The following JAKMIP2 variants were observed in gnomAD, a reference collection of about 807,000 sequenced individuals.
JAKMIP2 encodes janus kinase and microtubule interacting protein 2, also known as janus kinase and microtubule-interacting protein 2.
In JAKMIP2, 25 loss-of-function variants were observed where a neutral mutation model predicts 115.0. The ratio of observed to expected loss-of-function variants is 0.22; its 90% CI spans 0.16 to 0.30. The LOEUF is 0.30. JAKMIP2 is among the 10% of genes least tolerant of loss of function. The pLI, the probability that JAKMIP2 is intolerant of heterozygous loss-of-function variation, is 1.00. For missense variants in JAKMIP2, 642 were observed against 957.6 expected (o/e 0.67, Z 4.35); for synonymous variants, 334 against 343.6 (o/e 0.97, Z 0.31).
chr5:147,730,170 TGGGTGAAGCCTGA>T (rs1561564046), intron 1 of JAKMIP2, among the ~76,000 whole-genome samples: 1 of 152,142 alleles, frequency 6.6e-6, no homozygotes, highest in Admixed American at 6.5e-5. Flanking sequence ...TGTTTAACCG[TGGGTGAAGCCTGA>T]GTCATTTCAG....
chr5:147,694,762 T>C (rs1261560913), intron 1 of JAKMIP2, among the ~76,000 whole-genome samples: 1 of 152,210 alleles, frequency 6.6e-6, no homozygotes, highest in East Asian at 1.9e-4. Context: ...GAATTCATCT[T>C]TGAAAAATTT....
chr5:147,616,357 A>G (rs1367022420), intron 19 of JAKMIP2, among the ~76,000 whole-genome samples: 1 of 152,252 alleles, frequency 6.6e-6, no homozygotes, highest in African/African-American at 2.4e-5. Flanking sequence ...GAAAATGTCA[A>G]TGAAACTCCC....
At chr5:147,598,549 G>A (rs1438146319) in intron 21 of JAKMIP2, among the ~76,000 whole-genome samples, 1 of 151,946 alleles carries the variant, frequency 6.6e-6, no homozygotes, top group Non-Finnish European at 1.5e-5. Flanking sequence ...CCATTCGTTT[G>A]GAAAACCAGA....
At chr5:147,617,871 T>C (rs1756664824) in intron 19 of JAKMIP2, 40 bp downstream of exon 19, 1 of 1,547,514 alleles carries the variant, frequency 6.5e-7, no homozygotes, top group Admixed American at 1.7e-5. Flanking sequence ...TTCCATTTGC[T>C]AGTACTAACC....
intron 19 of JAKMIP2, among the ~76,000 whole-genome samples, chr5:147,617,020 G>A (rs1756620195): frequency 6.6e-6 from 1 of 152,110 alleles, no homozygotes; most frequent in East Asian, 1.9e-4. Flanking sequence ...AGCTTCTGAG[G>A]ATTGAATACT....
intron 1 of JAKMIP2, among the ~76,000 whole-genome samples, chr5:147,678,875 A>T (rs1275957927): frequency 6.6e-6 from 1 of 152,192 alleles, no homozygotes; most frequent in Admixed American, 6.5e-5. Flanking sequence ...TCATGCTATC[A>T]ATCTTAGGTT....
intron 1 of JAKMIP2, among the ~76,000 whole-genome samples, chr5:147,770,597 T>C (rs1411446578): frequency 6.6e-6 from 1 of 152,142 alleles, no homozygotes; most frequent in Non-Finnish European, 1.5e-5. Flanking sequence ...GAAACTATAT[T>C]GTTCATAGCG....
chr5:147,736,874 T>C (rs17497914), intron 1 of JAKMIP2, among the ~76,000 whole-genome samples: 19,873 of 152,116 alleles, frequency 0.13, 1,380 homozygotes, highest in Middle Eastern at 0.19. Flanking sequence ...TTTTCTACAA[T>C]AGACATTGTG....
At position 147,590,616 on chromosome 5, in the gene JAKMIP2, C is replaced by G. The variant is rs566091664; in HGVS notation, c.*1091G>C. ...ATTCACATCTCTGTGGCAAACCCGA[C>G]TCTTGGTAGAAATTTACTCATTGAT... On this transcript the variant is annotated 3_prime_UTR_variant, in exon 22 of 22. Coordinates refer to ENST00000616793, the MANE Select transcript of JAKMIP2 (RefSeq NM_001270941.2). 6.6e-6 allele frequency: 1 copy of G among 152,314 alleles called. No individual in the cohort carries two copies. The highest frequency in any genetic ancestry group is 2.1e-4 in the South Asian group (1 of 4,826). The allele number at this position is 152,314 out of a possible 1,614,324, so 9.4% of individuals were successfully genotyped here. A position where few individuals can be genotyped will look rare whatever the true frequency, so the allele number is the denominator to read the frequency against.
intron 1 of JAKMIP2, among the ~76,000 whole-genome samples, chr5:147,682,894 A>G (rs964757761): frequency 1.3e-5 from 2 of 152,216 alleles, no homozygotes; most frequent in African/African-American, 4.8e-5. Flanking sequence ...TTCACTCCTC[A>G]GCACTGGGTA....
At chr5:147,729,773 C>CAAA (rs368040956) in intron 1 of JAKMIP2, among the ~76,000 whole-genome samples, 13 of 83,966 alleles carry the variant, frequency 1.5e-4, no homozygotes, top group African/African-American at 4.3e-4. Context: ...GACTCTGTCT[C>CAAA]AAAAAAAAAA....
At chr5:147,625,676 T>C (rs1018088748) in intron 16 of JAKMIP2, among the ~76,000 whole-genome samples, 4 of 152,216 alleles carry the variant, frequency 2.6e-5, no homozygotes, top group African/African-American at 9.6e-5. Context: ...TGTTGGTTGC[T>C]GTTCCTTCCT....
intron 1 of JAKMIP2, among the ~76,000 whole-genome samples, chr5:147,763,995 G>A (rs1755022900): frequency 6.6e-6 from 1 of 152,148 alleles, no homozygotes; most frequent in East Asian, 1.9e-4. Context: ...AAAATACTTA[G>A]AGACCAAGAG....
At chr5:147,673,955 GC>G (rs1759777886) in intron 1 of JAKMIP2, among the ~76,000 whole-genome samples, 1 of 151,998 alleles carries the variant, frequency 6.6e-6, no homozygotes, top group Non-Finnish European at 1.5e-5. Flanking sequence ...TATATCCACA[GC>G]CCCGACCATT....
At chr5:147,677,173 C>T (rs761943792) in intron 1 of JAKMIP2, among the ~76,000 whole-genome samples, 1 of 152,170 alleles carries the variant, frequency 6.6e-6, no homozygotes, top group African/African-American at 2.4e-5. Context: ...ATATGTAGTA[C>T]CTATGACACT....
intron 14 of JAKMIP2, among the ~76,000 whole-genome samples, chr5:147,630,497 T>C (rs753704802): frequency 6.6e-6 from 1 of 152,122 alleles, no homozygotes; most frequent in Admixed American, 6.5e-5. Flanking sequence ...ACCAGGACAA[T>C]GGTTTAAGAT....
intron 3 of JAKMIP2, among the ~76,000 whole-genome samples, chr5:147,655,791 G>T (rs534181468): frequency 6.6e-6 from 1 of 152,222 alleles, no homozygotes; most frequent in African/African-American, 2.4e-5. Flanking sequence ...ATGTTAGGGT[G>T]TTGATTTTAG....
At chr5:147,641,602 G>A in intron 8 of JAKMIP2, 106 bp downstream of exon 8, 1 of 776,758 alleles carries the variant, frequency 1.3e-6, no homozygotes, top group South Asian at 1.6e-5. Context: ...TGCTGCAACA[G>A]TTCTGGAACA....
chr5:147,654,889 A>G (rs1272857971), intron 3 of JAKMIP2, among the ~76,000 whole-genome samples: 1 of 151,304 alleles, frequency 6.6e-6, no homozygotes, highest in African/African-American at 2.4e-5. Context: ...TTGTTCCACC[A>G]ATACTGAGAA....
Sources: allele counts gnomAD v4.1 joint callset (sites outside exome capture counted in the v4.1 genomes callset), GRCh38; gene constraint gnomAD v4.1.1; transcripts MANE v1.5; gene names NCBI Gene and HGNC (gene_info 2026-07-23, HGNC 2026-07-21).